FBN3: variants seen among roughly 807,000 people sequenced by gnomAD.
FBN3 encodes fibrillin 3.
In FBN3, 234 loss-of-function variants were observed where a neutral mutation model predicts 330.1. The ratio of observed to expected loss-of-function variants is 0.71; its 90% CI spans 0.64 to 0.79. The LOEUF is 0.79. Ranked by LOEUF, FBN3 falls within the 30% of genes least tolerant of loss-of-function variation. The pLI is 0.00. For synonymous variants in FBN3, 1,458 were observed against 1,517.3 expected (o/e 0.96, Z 0.91); for missense variants, 3,606 against 3,886.9 (o/e 0.93, Z 1.92).
Position 8,085,555 on chromosome 19 carries a change from G to A in FBN3, c.6895C>T (p.Pro2299Ser), listed in dbSNP as rs757456764. ...GTCTGCAGCACCTCGGCAAAGCAGG[G>A]CCCCTGCCGGATGTCTGCAGAGAAC... The part of the protein sequence containing the change: ...LTECHDIRQG[P>S]CFAEVLQTMC... Residue 2299 changes from proline (P) to serine (S), a missense_variant, in exon 56 of 64, where the codon CCC (proline) becomes TCC (serine). Transcript: ENST00000600128. The A allele has an allele frequency of 2.5e-6, 4 of 1,571,822 alleles. No individual in the cohort carries two copies. The highest frequency in any genetic ancestry group is 1.2e-5 in the South Asian group (1 of 85,372).
chr19:8,121,142 C>A lies in FBN3; in HGVS notation c.3211+116G>T. On this transcript the variant is annotated intron_variant, in intron 25 of 63. Coordinates refer to ENST00000600128, the MANE Select transcript of FBN3 (RefSeq NM_032447.5). This position sits in a 1 kb window ranked among gnomAD's most constrained non-coding sequence, Gnocchi z 4.5. ...TACCTCAGCTAATTTACAGCTCCTC[C>A]CTCCTCCTGCCCCCTCCATCCACGT... The A allele has an allele frequency of 9.8e-7, 1 of 1,020,210 alleles. No homozygotes were observed. The highest frequency in any genetic ancestry group is 1.4e-6 in the Non-Finnish European group (1 of 695,170). The allele number at this position is 1,020,210 out of a possible 1,614,324, so 63.2% of individuals were successfully genotyped here.
rs200394099 is a variant in FBN3, at chr19:8,118,077, TCA to T, written c.3338-490_3338-489del. ...CATACACACACACCCATGTGCACAC[TCA>T]CACAGACACACACATAAACACACCC... On this transcript the variant is annotated intron_variant, in intron 26 of 63. Transcript: ENST00000600128. Among the ~76,000 whole-genome samples the T allele has an allele frequency of 5.2e-3, 781 of 150,982 alleles. 5 individuals are homozygous for T. The highest frequency in any genetic ancestry group is 0.016 in the African/African-American group (675 of 41,084).
intron 41 of FBN3, among the ~76,000 whole-genome samples, chr19:8,099,168 A>G (rs1438789511): frequency 2.0e-5 from 3 of 152,186 alleles, no homozygotes; most frequent in East Asian, 3.8e-4. Flanking sequence ...AGAAAAAACT[A>G]GAAAGAAATA....
chr19:8,110,980 T>C lies in FBN3; in HGVS notation c.4211-13A>G, dbSNP rs1434757117. 13 of 1,614,084 alleles carry C rather than the reference T, an allele frequency of 8.1e-6. No homozygotes were observed. Among genetic ancestry groups the C allele is most frequent in the Non-Finnish European group, 1.1e-5 (13 of 1,180,018 alleles). On this transcript the variant is annotated splice_polypyrimidine_tract_variant and intron_variant, in intron 33 of 63. Transcript: ENST00000600128. Reference sequence around the variant, plus strand: ...CACTCGTCCACATCTGCGGGGACCCTGGGTCAGCCTGCCCCACCCAGAGTC... The same window carrying C: ...CACTCGTCCACATCTGCGGGGACCCCGGGTCAGCCTGCCCCACCCAGAGTC...
intron 62 of FBN3, among the ~76,000 whole-genome samples, chr19:8,072,796 G>A (rs1186628199): frequency 6.6e-6 from 1 of 152,088 alleles, no homozygotes; most frequent in Non-Finnish European, 1.5e-5. Flanking sequence ...ATGCTGGTAC[G>A]GGTGTGTGCC....
chr19:8,095,167 C>T (rs2082183446), intron 46 of FBN3, among the ~76,000 whole-genome samples: 1 of 152,002 alleles, frequency 6.6e-6, no homozygotes, highest in Non-Finnish European at 1.5e-5. Flanking sequence ...GACGAGGACT[C>T]ACTATGTTGC....
chr19:8,081,162 G>C (rs199919938), intron 58 of FBN3, 43 bp from the exon 59 acceptor site: 1 of 1,559,752 alleles, frequency 6.4e-7, no homozygotes, highest in East Asian at 2.2e-5. Context: ...AGGGCCCAGT[G>C]GGGGATTAGG....
chr19:8,113,841 CA>C (rs34470005), intron 30 of FBN3, among the ~76,000 whole-genome samples: 110 of 117,828 alleles, frequency 9.3e-4, no homozygotes, highest in Admixed American at 2.9e-3. Context: ...ACTATCTCTA[CA>C]AAAAAAAAAA....
chr19:8,113,613 T>C (rs10422745), intron 30 of FBN3, among the ~76,000 whole-genome samples: 6,778 of 151,898 alleles, frequency 0.045, 461 homozygotes, highest in African/African-American at 0.15. Flanking sequence ...GCTGGGAGGA[T>C]TGCTTGAACC....
At chr19:8,072,267 T>C (rs1215002324) in intron 62 of FBN3, 69 bp from the exon 63 acceptor site, 2 of 1,437,494 alleles carry the variant, frequency 1.4e-6, no homozygotes, top group Non-Finnish European at 1.9e-6. Context: ...GCCACGCCGC[T>C]CCACCCCATA....
At chr19:8,147,597 G>A (rs566057201) in intron 1 of FBN3, 100 bp from the exon 2 acceptor site, 19 of 1,050,480 alleles carry the variant, frequency 1.8e-5, no homozygotes, top group Non-Finnish European at 2.1e-5. Context: ...AAATGGGGCA[G>A]CCCCGGGGCC....
intron 13 of FBN3, 24 bp downstream of exon 13, chr19:8,135,937 C>CGCCCCCCCCCCCCCCCCCCCCACCCCA: frequency 8.6e-6 from 1 of 116,776 alleles, no homozygotes; most frequent in Non-Finnish European, 1.6e-5. Flanking sequence ...GAAGCCCCTG[C>CGCCCCCCCCCCCCCCCCCCCCACCCCA]CCACCCGCCC....
intron 41 of FBN3, among the ~76,000 whole-genome samples, chr19:8,100,694 G>A (rs781430476): frequency 2.6e-5 from 4 of 152,098 alleles, no homozygotes; most frequent in Admixed American, 1.3e-4. Context: ...AATGGATAAT[G>A]GTTTAATAAA....
rs61729599 is a variant in FBN3, at chr19:8,147,348, C to T, written c.133G>A (p.Val45Met). The change falls in exon 2 of 64, where the codon GTG becomes ATG. Residue 45 changes from valine to methionine, a missense_variant. Val to Met is a conservative substitution (Grantham distance 21). Coordinates refer to ENST00000600128, the MANE Select transcript of FBN3 (RefSeq NM_032447.5). ...GALEAAGPGR[V>M]RRRGSPGILQ... is the part of the protein sequence containing the mutation. ...ATGCCTGGGCTGCCCCGCCTCCGCACACGTCCAGGACCTGCAGCCTCCAAG... is the reference window on the plus strand; with the variant it reads ...ATGCCTGGGCTGCCCCGCCTCCGCATACGTCCAGGACCTGCAGCCTCCAAG... 1,841 of 1,601,724 alleles carry T rather than the reference C, an allele frequency of 1.1e-3. 19 individuals are homozygous for T. In the African/African-American group the frequency reaches 0.022, roughly 19 times the overall value.
In FBN3 at chr19:8,121,876, A is replaced by C. The variant is rs1040756830; in HGVS notation, c.3083-490T>G. Among the ~76,000 whole-genome samples, 19 of 152,004 alleles carry C rather than the reference A, an allele frequency of 1.2e-4. No individual in the cohort carries two copies. The highest frequency in any genetic ancestry group is 4.3e-4 in the African/African-American group (18 of 41,434). ...GCGATTCTCCTGCCTCAGCCTCCCG[A>C]GTAGCTGGGATTACAGGTGTGTGCC... On this transcript the variant is annotated intron_variant, in intron 24 of 63. Coordinates refer to ENST00000600128, the MANE Select transcript of FBN3 (RefSeq NM_032447.5). The surrounding 1 kb of genome is among the most constrained non-coding windows in gnomAD (Gnocchi z 4.5).
chr19:8,095,424 G>A lies in FBN3; in HGVS notation c.5736C>T (p.Cys1912=), dbSNP rs1484605837. 1.9e-6 allele frequency: 3 copies of A among 1,613,906 alleles called. No individual in the cohort carries two copies. Among genetic ancestry groups the A allele is most frequent in the African/African-American group, 1.3e-5 (1 of 75,048 alleles). Residue 1912 remains cysteine (C), a synonymous_variant, in exon 46 of 64, where the codon TGC becomes TGT. Coordinates refer to ENST00000600128, the MANE Select transcript of FBN3 (RefSeq NM_032447.5). ...HCLNTAGSFH[C]LCQDGFELTA... ...TGAGCTCAAAGCCATCCTGGCAGAG[G>A]CAGTGGAAGGAACCAGCTGTGTTGA... is the stretch of plus-strand genomic sequence containing the variant.
intron 13 of FBN3, 25 bp downstream of exon 13, chr19:8,135,936 G>GGGGGGGGGGGCCCCCCCCCC: frequency 1.3e-5 from 9 of 668,758 alleles, no homozygotes; most frequent in East Asian, 3.9e-5. Context: ...GGAAGCCCCT[G>GGGGGGGGGGGCCCCCCCCCC]CCCACCCGCC....
chr19:8,108,421 C>T (rs1271176943), intron 36 of FBN3, among the ~76,000 whole-genome samples, 183 bp from the exon 37 acceptor site: 3 of 152,074 alleles, frequency 2.0e-5, no homozygotes, highest in Admixed American at 6.5e-5. Flanking sequence ...AGTCCTGGGG[C>T]TGCTTGCGTG....
In FBN3 at chr19:8,110,971, CGGGG is replaced by C; in HGVS notation, c.4211-8_4211-5del. 1 of 1,614,190 alleles carries C rather than the reference CGGGG, an allele frequency of 6.2e-7. No individual in the cohort carries two copies. The highest frequency in any genetic ancestry group is 8.5e-7 in the Non-Finnish European group (1 of 1,180,024). On this transcript the variant is annotated splice_polypyrimidine_tract_variant and splice_region_variant and intron_variant, in intron 33 of 63. Transcript: ENST00000600128. ...CCTTGCGCACACTCGTCCACATCTG[CGGGG>C]ACCCTGGGTCAGCCTGCCCCACCCA...
Sources: gnomAD v4.1 joint callset for allele counts (sites outside exome capture counted in the v4.1 genomes callset) on GRCh38, gnomAD v4.1.1 for gene constraint, Gnocchi (gnomAD v3.1) non-coding constraint, MANE v1.5 for transcripts, NCBI Gene and HGNC (gene_info 2026-07-23, HGNC 2026-07-21) for gene names.